The following SMC1B variants were observed in gnomAD, a reference collection of about 807,000 sequenced individuals.
SMC1B encodes structural maintenance of chromosomes protein 1B.
In SMC1B, 60 loss-of-function variants were observed where a neutral mutation model predicts 157.9. That is an observed-to-expected ratio of 0.38 (90% CI 0.31 to 0.47). The LOEUF (loss-of-function observed/expected upper bound fraction) is 0.47. Ranked by LOEUF, SMC1B falls within the 20% of genes least tolerant of loss-of-function variation. The pLI is 0.99. For missense variants in SMC1B, 1,165 were observed against 1,426.2 expected (o/e 0.82, Z 2.95); for synonymous variants, 445 against 483.0 (o/e 0.92, Z 1.03).
At chr22:45,409,513 C>T (rs988738361) in intron 1 of SMC1B, among the ~76,000 whole-genome samples, 4 of 151,350 alleles carry the variant, frequency 2.6e-5, no homozygotes, top group Non-Finnish European at 4.4e-5. Context: ...TGCAGTGAGC[C>T]GAGATTGCAC....
chr22:45,363,389 A>T (rs1284959088), intron 15 of SMC1B, among the ~76,000 whole-genome samples: 1 of 152,100 alleles, frequency 6.6e-6, no homozygotes. Context: ...CTTTTTAAAA[A>T]TTTTCTTTTA....
chr22:45,371,394 A>G (rs1013025814), intron 14 of SMC1B, 77 bp downstream of exon 14: 1 of 1,433,672 alleles, frequency 7.0e-7, no homozygotes, highest in Non-Finnish European at 9.1e-7. Flanking sequence ...GCTTTAGCAT[A>G]TATTTAAGAA....
At chr22:45,378,865 T>C (rs998000786) in intron 12 of SMC1B, among the ~76,000 whole-genome samples, 2 of 152,244 alleles carry the variant, frequency 1.3e-5, no homozygotes, top group African/African-American at 4.8e-5. Flanking sequence ...ACTGAAAGCT[T>C]ACTACACACA....
intron 11 of SMC1B, among the ~76,000 whole-genome samples, chr22:45,386,282 A>G (rs1316431415): frequency 2.0e-5 from 3 of 152,098 alleles, no homozygotes; most frequent in Non-Finnish European, 4.4e-5. Context: ...ATTTGAGTTT[A>G]ACATTGCTCA....
intron 7 of SMC1B, among the ~76,000 whole-genome samples, chr22:45,396,121 T>C (rs1049281839): frequency 6.6e-6 from 1 of 152,246 alleles, no homozygotes; most frequent in African/African-American, 2.4e-5. Context: ...ATTCCTGCTA[T>C]GTTACCACCT....
Position 45,344,529 on chromosome 22 carries a change from G to A in SMC1B, c.*27C>T. The stretch of plus-strand genomic sequence containing the variant: ...AGTATTAGAGTGGGAACTGAACAGT[G>A]ATCAGGTGACTGCTGCAGGACTGCC... On this transcript the variant is annotated 3_prime_UTR_variant, in exon 25 of 25. Coordinates refer to ENST00000357450, the MANE Select transcript of SMC1B (RefSeq NM_148674.5). 6.6e-7 allele frequency: 1 copy of A among 1,514,186 alleles called. No individual in the cohort carries two copies. The highest frequency in any genetic ancestry group is 9.2e-7 in the Non-Finnish European group (1 of 1,089,358). The allele number at this position is 1,514,186 out of a possible 1,614,324, so 93.8% of individuals were successfully genotyped here.
At chr22:45,361,781 T>A (rs1486650933) in intron 17 of SMC1B, 58 bp downstream of exon 17, 1 of 1,503,898 alleles carries the variant, frequency 6.6e-7, no homozygotes, top group Admixed American at 1.8e-5. Flanking sequence ...TTTCAGATAG[T>A]TGGTGTCCAT....
At chr22:45,392,639 A>G (rs1168867684) in intron 9 of SMC1B, among the ~76,000 whole-genome samples, 1 of 152,188 alleles carries the variant, frequency 6.6e-6, no homozygotes, top group African/African-American at 2.4e-5. Flanking sequence ...AAGGAGATGA[A>G]GATGGGTGGC....
At chr22:45,353,100 G>A (rs2146761982) in intron 21 of SMC1B, among the ~76,000 whole-genome samples, 1 of 152,036 alleles carries the variant, frequency 6.6e-6, no homozygotes, top group African/African-American at 2.4e-5. Flanking sequence ...GTGAAACCCT[G>A]TCTCTACAAA....
chr22:45,375,550 G>T (rs183848233), intron 12 of SMC1B, among the ~76,000 whole-genome samples: 1 of 152,166 alleles, frequency 6.6e-6, no homozygotes, highest in Non-Finnish European at 1.5e-5. Context: ...TAACTGAAAT[G>T]ATTTCAGTGT....
chr22:45,413,527 G>T lies in SMC1B; in HGVS notation c.41C>A (p.Ser14Ter). ...GCCAATGACCTGGCGGCCCCGCCAC[G>T]ACTTGAAATTTTCCACAAGCAGCAG... is the stretch of plus-strand genomic sequence containing the variant. The part of the protein sequence containing the change: ...LELLLVENFK[S>*]WRGRQVIGPF... Residue 14 changes from serine (S) to a stop codon, truncating the protein, a stop_gained, in exon 1 of 25, where the codon TCG becomes TAG. Transcript: ENST00000357450. LOFTEE classifies it high-confidence loss of function. 3.1e-6 allele frequency: 5 copies of T among 1,612,474 alleles called. No homozygotes were observed. The highest frequency in any genetic ancestry group is 4.2e-6 in the Non-Finnish European group (5 of 1,179,300).
Position 45,354,050 on chromosome 22 carries a change from G to A in SMC1B, c.3201C>T (p.Thr1067=), listed in dbSNP as rs375778619. 1.9e-6 allele frequency: 3 copies of A among 1,602,780 alleles called. No individual in the cohort carries two copies. Among genetic ancestry groups the A allele is most frequent in the South Asian group, 1.1e-5 (1 of 88,504 alleles). ...AGATTGAGACATGCTCAAAACACTG[G>A]GTGAAAAGATCGTATCTCCTTTTTT... is the stretch of plus-strand genomic sequence containing the variant. ...QVKKRRYDLF[T]QCFEHVSISI... is the part of the protein sequence containing the mutation. Residue 1067 remains threonine, a synonymous_variant, in exon 21 of 25, where the codon ACC becomes ACT. Coordinates refer to ENST00000357450, the MANE Select transcript of SMC1B (RefSeq NM_148674.5).
At chr22:45,375,423 G>A (rs768530783) in intron 12 of SMC1B, among the ~76,000 whole-genome samples, 35 of 152,126 alleles carry the variant, frequency 2.3e-4, no homozygotes, top group African/African-American at 6.3e-4. Flanking sequence ...ATGGATGTGC[G>A]TCCTCAACCT....
At chr22:45,393,932 G>A in intron 8 of SMC1B, 91 bp from the exon 9 acceptor site, 1 of 805,976 alleles carries the variant, frequency 1.2e-6, no homozygotes. Context: ...CATTGCAGGG[G>A]AATAGAGCAG....
At chr22:45,412,222 C>T (rs1206790943) in intron 1 of SMC1B, among the ~76,000 whole-genome samples, 3 of 149,356 alleles carry the variant, frequency 2.0e-5, no homozygotes, top group Non-Finnish European at 3.0e-5. Context: ...ATTTTAGAGT[C>T]GAAGTCTCGC....
chr22:45,372,224 T>C lies in SMC1B; in HGVS notation c.2127A>G (p.Gln709=), dbSNP rs377659447. Residue 709 remains glutamine, a synonymous_variant, in exon 13 of 25, where the codon CAA becomes CAG. Transcript: ENST00000357450. ...KQIQTLIQGT[Q]TRLKYSQNEL... ...CATTTTGTGAATATTTGAGTCGTGT[T>C]TGAGTTCCCTGTATCAGGGTCTGTA... 3.7e-6 allele frequency: 6 copies of C among 1,612,566 alleles called. No homozygotes were observed. In the African/African-American group the frequency reaches 4.0e-5, roughly 11 times the overall value.
chr22:45,354,377 TGTATGTAA>T (rs1241655076), intron 20 of SMC1B, among the ~76,000 whole-genome samples: 4 of 151,972 alleles, frequency 2.6e-5, no homozygotes, highest in Admixed American at 6.6e-5. Context: ...TATGTATGTA[TGTATGTAA>T]GTATGTATGT....
intron 10 of SMC1B, among the ~76,000 whole-genome samples, chr22:45,388,029 T>TC (rs2087009069): frequency 9.6e-6 from 1 of 104,158 alleles, no homozygotes; most frequent in African/African-American, 4.6e-5. Flanking sequence ...TGAGCCTCTG[T>TC]CAAAAAAAAA....
chr22:45,399,362 G>T lies in SMC1B; in HGVS notation c.855-9C>A. On this transcript the variant is annotated splice_polypyrimidine_tract_variant and intron_variant, in intron 5 of 24. Transcript: ENST00000357450. ...AAAGGGTTTCAACCGATCTGAAAAG[G>T]GAAAAATGTTTGCTTTAAAGAAAAT... 6.4e-7 allele frequency: 1 copy of T among 1,571,088 alleles called. No individual in the cohort carries two copies. The highest frequency in any genetic ancestry group is 8.6e-7 in the Non-Finnish European group (1 of 1,164,934).
Sources: allele counts gnomAD v4.1 joint callset (sites outside exome capture counted in the v4.1 genomes callset), GRCh38; gene constraint gnomAD v4.1.1; transcripts MANE v1.5; gene names NCBI Gene and HGNC (gene_info 2026-07-23, HGNC 2026-07-21).